Variants in PEBP4 observed in about 807,000 individuals in gnomAD.
PEBP4 encodes the protein phosphatidylethanolamine binding protein 4, also known as phosphatidylethanolamine-binding protein 4.
In PEBP4, 22 loss-of-function variants were observed where a neutral mutation model predicts 23.9. That is an observed-to-expected ratio of 0.92 (90% CI 0.66 to 1.31). PEBP4 has a LOEUF of 1.31. Ranked by LOEUF, PEBP4 falls within the 40% of genes most tolerant of loss-of-function variation. PEBP4 has a pLI of 0.00. For missense variants in PEBP4, 324 were observed against 281.7 expected (o/e 1.15, Z -1.07); for synonymous variants, 112 against 99.3 (o/e 1.13, Z -0.76).
At chr8:22,876,957 C>T (rs148145867) in intron 3 of PEBP4, among the ~76,000 whole-genome samples, 97 of 152,298 alleles carry the variant, frequency 6.4e-4, no homozygotes, top group South Asian at 1.2e-3. Context: ...ATAGTGCCTC[C>T]TTCATTAAGT....
At chr8:22,835,407 C>A (rs1807180841) in intron 3 of PEBP4, among the ~76,000 whole-genome samples, 1 of 152,186 alleles carries the variant, frequency 6.6e-6, no homozygotes, top group African/African-American at 2.4e-5. Context: ...CTCCAGCTGC[C>A]TGGAGCCAGA....
chr8:22,785,398 C>T (rs1806007441), intron 4 of PEBP4, among the ~76,000 whole-genome samples: 1 of 152,176 alleles, frequency 6.6e-6, no homozygotes, highest in African/African-American at 2.4e-5. Flanking sequence ...GTGCCCAGGA[C>T]AGAACCACGG....
At chr8:22,838,626 G>C (rs892260691) in intron 3 of PEBP4, among the ~76,000 whole-genome samples, 9 of 152,264 alleles carry the variant, frequency 5.9e-5, no homozygotes, top group Admixed American at 1.3e-4. Flanking sequence ...TTCAGCGTTT[G>C]CCTAAAAGCT....
chr8:22,816,373 A>G (rs1806740841), intron 4 of PEBP4, among the ~76,000 whole-genome samples: 1 of 152,172 alleles, frequency 6.6e-6, no homozygotes, highest in South Asian at 2.1e-4. Flanking sequence ...TCACTGGGCC[A>G]CCAGCTGGTT....
At chr8:22,746,419 T>A (rs1291328016) in intron 4 of PEBP4, among the ~76,000 whole-genome samples, 8 of 152,182 alleles carry the variant, frequency 5.3e-5, no homozygotes, top group Non-Finnish European at 1.0e-4. Context: ...CCTTCTGGAC[T>A]AGGATGGAGG....
At chr8:22,925,144 T>C in intron 2 of PEBP4, 1 of 985,420 alleles carries the variant, frequency 1.0e-6, no homozygotes, top group Non-Finnish European at 1.2e-6. Context: ...CATGATGCTC[T>C]CTTCCAAACA....
chr8:22,750,828 C>T (rs1211453092), intron 4 of PEBP4, among the ~76,000 whole-genome samples: 1 of 152,046 alleles, frequency 6.6e-6, no homozygotes, highest in East Asian at 1.9e-4. Context: ...GAGAAATAAA[C>T]AAGATGTTAT....
chr8:22,728,583 C>T lies in PEBP4; in HGVS notation c.358-1363G>A, dbSNP rs776217852. ...TTCTTCCTTCCTTCCTTCCTTCCTT[C>T]CTTCCTTCCTTCCTTCCTTCCTTCC... On this transcript the variant is annotated intron_variant, in intron 4 of 6. Transcript: ENST00000256404. 1.5e-4 allele frequency among the ~76,000 whole-genome samples: 20 copies of T among 135,304 alleles called. No homozygotes were observed. In the South Asian group the frequency reaches 1.6e-3, roughly 11 times the overall value. 88.8% of individuals were successfully genotyped at this position (135,304 alleles called of 152,430 possible).
At chr8:22,754,674 C>G (rs1397219908) in intron 4 of PEBP4, 2 of 152,242 alleles carry the variant, frequency 1.3e-5, no homozygotes, top group African/African-American at 4.8e-5. Flanking sequence ...GTTGGTCTCC[C>G]TCCACATGAA....
At chr8:22,768,930 CAT>C (rs1230367235) in intron 4 of PEBP4, among the ~76,000 whole-genome samples, 1 of 152,180 alleles carries the variant, frequency 6.6e-6, no homozygotes, top group East Asian at 1.9e-4. Flanking sequence ...GGCTCTGCCA[CAT>C]GTCAGGCCTC....
chr8:22,795,148 T>TAC (rs1806218719), intron 4 of PEBP4, among the ~76,000 whole-genome samples: 1 of 34,444 alleles, frequency 2.9e-5, no homozygotes, highest in Non-Finnish European at 5.7e-5. Flanking sequence ...TGTGTGTATA[T>TAC]ATATATATAT....
At chr8:22,879,706 G>A (rs1273923204) in intron 3 of PEBP4, among the ~76,000 whole-genome samples, 1 of 152,154 alleles carries the variant, frequency 6.6e-6, no homozygotes, top group Non-Finnish European at 1.5e-5. Flanking sequence ...CGGGGGAGGT[G>A]TGATTTCAGG....
upstream of PEBP4, among the ~76,000 whole-genome samples, chr8:22,928,531 C>T (rs1285347323): frequency 1.3e-5 from 2 of 152,280 alleles, no homozygotes; most frequent in Admixed American, 6.5e-5. Context: ...GAAGGGGAGC[C>T]GGGGACTGTC....
chr8:22,791,647 C>T (rs958019151), intron 4 of PEBP4, among the ~76,000 whole-genome samples: 3 of 152,234 alleles, frequency 2.0e-5, no homozygotes, highest in Non-Finnish European at 4.4e-5. Flanking sequence ...ATTCACAAGG[C>T]AGCCGCGGAA....
At chr8:22,917,130 G>T (rs1237618672) in intron 3 of PEBP4, among the ~76,000 whole-genome samples, 1 of 47,894 alleles carries the variant, frequency 2.1e-5, no homozygotes, top group Non-Finnish European at 4.0e-5. Context: ...GGCGGGGGAG[G>T]GGGGGGTGTT....
intron 3 of PEBP4, among the ~76,000 whole-genome samples, chr8:22,880,863 T>C (rs1281576585): frequency 2.6e-5 from 4 of 152,148 alleles, no homozygotes; most frequent in Non-Finnish European, 5.9e-5. Flanking sequence ...TCTATAGACC[T>C]CAAGACCTTG....
chr8:22,827,892 G>A (rs970398383), intron 3 of PEBP4, among the ~76,000 whole-genome samples: 1 of 152,096 alleles, frequency 6.6e-6, no homozygotes, highest in Non-Finnish European at 1.5e-5. Flanking sequence ...ACTTATAATT[G>A]TCTGTCTTTT....
Position 22,940,746 on chromosome 8 carries a change from C to T in PEBP4, c.145-13026G>A, listed in dbSNP as rs182988686. ...CCTCGTGATCTGCCTGCCTTGGCCTCCCAAAGTGCTGGGATTATAGGCGTG... is the reference window on the plus strand; with the variant it reads ...CCTCGTGATCTGCCTGCCTTGGCCTTCCAAAGTGCTGGGATTATAGGCGTG... On this transcript the variant is annotated intron_variant, in intron 1 of 1. Transcript: ENST00000522278. Among the ~76,000 whole-genome samples the T allele has an allele frequency of 4.2e-3, 645 of 152,290 alleles. 5 individuals carry two copies. Among genetic ancestry groups the T allele is most frequent in the Non-Finnish European group, 6.8e-3 (463 of 68,030 alleles).
chr8:22,795,958 A>C (rs1474089660), intron 4 of PEBP4, among the ~76,000 whole-genome samples: 1 of 152,148 alleles, frequency 6.6e-6, no homozygotes, highest in Non-Finnish European at 1.5e-5. Context: ...GAAATGTGAG[A>C]ATTTCTGAGC....
Sources: gnomAD v4.1 joint callset for allele counts (sites outside exome capture counted in the v4.1 genomes callset) on GRCh38, gnomAD v4.1.1 for gene constraint, MANE v1.5 for transcripts, NCBI Gene and HGNC (gene_info 2026-07-23, HGNC 2026-07-21) for gene names.